Variants in ADGRG1 observed in about 807,000 individuals in gnomAD.
ADGRG1 encodes 7-transmembrane protein with no EGF-like N-terminal domains-1.
In ADGRG1, 53 loss-of-function variants were observed where a neutral mutation model predicts 73.5. The observed-to-expected ratio is 0.72, with a 90% CI of 0.58 to 0.91. The LOEUF (loss-of-function observed/expected upper bound fraction) is 0.91, where lower values mean the gene tolerates loss of function less well. ADGRG1 is among the 40% of genes least tolerant of loss of function. The pLI, the probability that ADGRG1 is intolerant of heterozygous loss-of-function variation, is 0.00. For missense variants in ADGRG1, 795 were observed against 871.8 expected (o/e 0.91, Z 1.11); for synonymous variants, 394 against 374.4 (o/e 1.05, Z -0.60).
At chr16:57,656,699 AT>A in intron 9 of ADGRG1, 82 bp downstream of exon 9, 2 of 844,818 alleles carry the variant, frequency 2.4e-6, no homozygotes, top group Non-Finnish European at 4.2e-6. Context: ...ATATTCAGTC[AT>A]TTATTCCTCA....
At chr16:57,644,585 T>G (rs1413041742) in intron 1 of ADGRG1, among the ~76,000 whole-genome samples, 5 of 133,604 alleles carry the variant, frequency 3.7e-5, no homozygotes, top group Non-Finnish European at 6.2e-5. Flanking sequence ...GCACACACAC[T>G]GATCACACAC....
At chr16:57,625,398 C>CCCTCT (rs1439434389), upstream of ADGRG1, 2 of 159,744 alleles carry the variant, frequency 1.3e-5, no homozygotes, top group African/African-American at 4.8e-5. Context: ...GACATCTTCC[C>CCCTCT]CCTCTCCTCG....
chr16:57,661,742 C>A lies in ADGRG1; in HGVS notation c.1710C>A (p.Gly570=). ...DSLVSYITNL[G]LFSLVFLFNM... ...TGGTCAGCTACATCACCAACCTGGG[C>A]CTCTTCAGCCTGGTGTTTCTGTTCA... Residue 570 remains glycine (G), a synonymous_variant, in exon 13 of 14, where the codon GGC becomes GGA. Coordinates refer to ENST00000562631, the MANE Select transcript of ADGRG1 (RefSeq NM_201525.4). 1 of 1,614,168 alleles carries A rather than the reference C, an allele frequency of 6.2e-7. No homozygotes were observed. The highest frequency in any genetic ancestry group is 8.5e-7 in the Non-Finnish European group (1 of 1,180,006).
At chr16:57,643,758 C>G (rs2041463711) in intron 1 of ADGRG1, 2 of 984,458 alleles carry the variant, frequency 2.0e-6, no homozygotes, top group Non-Finnish European at 2.4e-6. Context: ...TCTTGGGGAG[C>G]TCTCTGTGGT....
chr16:57,629,057 T>C (rs1337749541), intron 1 of ADGRG1: 4 of 534,650 alleles, frequency 7.5e-6, no homozygotes, highest in African/African-American at 6.7e-5. Context: ...TGTGTGTGAG[T>C]ATGAGTGTGA....
chr16:57,646,217 A>T (rs1201133314), intron 1 of ADGRG1: 2 of 205,062 alleles, frequency 9.8e-6, no homozygotes, highest in Non-Finnish European at 1.7e-5. Context: ...TGGCCTGGGC[A>T]GCGGTGACTC....
Position 57,630,463 on chromosome 16 carries a change from C to T in ADGRG1, c.-36+1661C>T, listed in dbSNP as rs538663148. Reference sequence around the variant, plus strand: ...TTCCTCTCCTCTCGCCTCAGGAGCTCAGCTGCTAAATGGGTGTGTAGGGGT... The same window carrying T: ...TTCCTCTCCTCTCGCCTCAGGAGCTTAGCTGCTAAATGGGTGTGTAGGGGT... On this transcript the variant is annotated intron_variant, in intron 1 of 13. Coordinates refer to ENST00000562631, the MANE Select transcript of ADGRG1 (RefSeq NM_201525.4). 7.6e-5 allele frequency: 75 copies of T among 985,694 alleles called. No individual in the cohort carries two copies. The Middle Eastern group carries it at 2.1e-3, about 27-fold the overall frequency. 61.1% of individuals were successfully genotyped at this position (985,694 alleles called of 1,614,324 possible).
intron 1 of ADGRG1, chr16:57,641,642 C>T (rs544417966): frequency 6.3e-5 from 47 of 748,366 alleles, no homozygotes; most frequent in Admixed American, 3.3e-4. Flanking sequence ...CTTGGCTCAT[C>T]GTAACCTCCA....
intron 1 of ADGRG1, chr16:57,645,223 T>A: frequency 2.0e-6 from 2 of 985,378 alleles, no homozygotes; most frequent in Non-Finnish European, 2.4e-6. Flanking sequence ...GCTAGGGCAG[T>A]GGAAGTTGAG....
At chr16:57,650,447 G>T in intron 2 of ADGRG1, 96 bp downstream of exon 2, 1 of 1,605,482 alleles carries the variant, frequency 6.2e-7, no homozygotes. Context: ...ACTCCTTTAG[G>T]CAGTTACAGC....
At chr16:57,625,875 A>G (rs142931892), upstream of ADGRG1, among the ~76,000 whole-genome samples, 439 of 152,184 alleles carry the variant, frequency 2.9e-3, 2 homozygotes, top group African/African-American at 9.8e-3. Flanking sequence ...TCTCCACCTC[A>G]GCCAATGCTG....
At chr16:57,646,633 T>C (rs2042717023) in intron 1 of ADGRG1, 1 of 985,142 alleles carries the variant, frequency 1.0e-6, no homozygotes, top group Non-Finnish European at 1.2e-6. Context: ...GTGGGGATTC[T>C]AAAGCCGGGG....
chr16:57,632,805 C>A (rs1345286270), intron 1 of ADGRG1: 13 of 985,306 alleles, frequency 1.3e-5, no homozygotes, highest in Middle Eastern at 1.0e-3. Context: ...GGTGGACAGG[C>A]CTCTCTGCAT....
chr16:57,662,095 G>A, intron 13 of ADGRG1, 130 bp downstream of exon 13: 1 of 789,338 alleles, frequency 1.3e-6, no homozygotes, highest in Non-Finnish European at 2.2e-6. Context: ...ATAAAATGGG[G>A]ACATCCAGGC....
intron 2 of ADGRG1, 70 bp from the exon 3 acceptor site, chr16:57,651,130 G>T (rs936431455): frequency 2.5e-6 from 4 of 1,608,330 alleles, no homozygotes; most frequent in Admixed American, 1.7e-5. Flanking sequence ...CTCAGCCTAG[G>T]TCCTGTCCCC....
At chr16:57,631,317 T>C (rs2037839167) in intron 1 of ADGRG1, 2 of 985,690 alleles carry the variant, frequency 2.0e-6, no homozygotes, top group Non-Finnish European at 1.2e-6. Context: ...CGGACCGTCC[T>C]CCAGCCGGAC....
chr16:57,623,946 C>G, upstream of ADGRG1: 1 of 447,368 alleles, frequency 2.2e-6, no homozygotes, highest in South Asian at 9.5e-5. Context: ...TCTCTCTGAG[C>G]CTCAGTTTTC....
In ADGRG1 at chr16:57,659,427, A is replaced by G; in HGVS notation, c.1301A>G (p.Asp434Gly). 1 of 1,613,750 alleles carries G rather than the reference A, an allele frequency of 6.2e-7. No homozygotes were observed. The highest frequency in any genetic ancestry group is 8.5e-7 in the Non-Finnish European group (1 of 1,179,958). ...AYLCSRRKPR[D>G]YTIKVHMNLL... ...CTGCCGTGCAGGAGGAAACCTCGGG[A>G]CTACACCATCAAGGTGCACATGAAC... Residue 434 changes from aspartate (D) to glycine (G), a missense_variant, in exon 11 of 14, where the codon GAC (aspartate) becomes GGC (glycine). Coordinates refer to ENST00000562631, the MANE Select transcript of ADGRG1 (RefSeq NM_201525.4).
chr16:57,656,522 C>T lies in ADGRG1; in HGVS notation c.1072C>T (p.Pro358Ser). 1 of 1,611,852 alleles carries T rather than the reference C, an allele frequency of 6.2e-7. No homozygotes were observed. Among genetic ancestry groups the T allele is most frequent in the Non-Finnish European group, 8.5e-7 (1 of 1,178,010 alleles). ...TGCTGTCCCCTCCTCAGTGAGCAGCCCGGGGCATTGGAGCAGTGCTGGGTG... is the reference window on the plus strand; with the variant it reads ...TGCTGTCCCCTCCTCAGTGAGCAGCTCGGGGCATTGGAGCAGTGCTGGGTG... ...FWVEDPTLSS[P>S]GHWSSAGCET... Residue 358 changes from proline (P) to serine (S), a missense_variant, in exon 9 of 14, where the codon CCG (proline) becomes TCG (serine). Pro to Ser is a moderately conservative substitution (Grantham distance 74). Transcript: ENST00000562631.
Sources: allele counts gnomAD v4.1 joint callset (sites outside exome capture counted in the v4.1 genomes callset), GRCh38; gene constraint gnomAD v4.1.1; transcripts MANE v1.5; gene names NCBI Gene and HGNC (gene_info 2026-07-23, HGNC 2026-07-21).